Variants in TBC1D22A observed in about 807,000 individuals in gnomAD.
TBC1D22A encodes putative GTPase activator.
In TBC1D22A, 38 loss-of-function variants were observed where a neutral mutation model predicts 60.2. The observed-to-expected ratio is 0.63, with a 90% confidence interval of 0.49 to 0.83. The LOEUF (loss-of-function observed/expected upper bound fraction) is 0.83. Ranked by LOEUF, TBC1D22A falls within the 40% of genes least tolerant of loss-of-function variation. The pLI is 0.00. For missense variants in TBC1D22A, 628 were observed against 701.0 expected, an observed-to-expected ratio of 0.90 and a Z score of 1.18; for synonymous variants, 302 against 281.7, an observed-to-expected ratio of 1.07 and a Z score of -0.72.
At chr22:47,067,508 T>C (rs1241000117) in intron 11 of TBC1D22A, among the ~76,000 whole-genome samples, 1 of 152,200 alleles carries the variant, frequency 6.6e-6, no homozygotes, top group Non-Finnish European at 1.5e-5. Context: ...GCAACGATGC[T>C]CCTTGTACAT....
At chr22:47,115,160 G>C (rs560362503) in intron 12 of TBC1D22A, among the ~76,000 whole-genome samples, 1 of 149,296 alleles carries the variant, frequency 6.7e-6, no homozygotes, top group Non-Finnish European at 1.5e-5. Flanking sequence ...CCTGTCCTGA[G>C]CGCTGGGCCC....
At chr22:46,928,457 A>G (rs1222389907) in intron 8 of TBC1D22A, among the ~76,000 whole-genome samples, 2 of 152,274 alleles carry the variant, frequency 1.3e-5, no homozygotes, top group East Asian at 3.8e-4. Context: ...AAGAGCTGAA[A>G]TCATAAAACT....
chr22:47,060,029 A>T (rs772814024), intron 11 of TBC1D22A, among the ~76,000 whole-genome samples: 1 of 152,082 alleles, frequency 6.6e-6, no homozygotes, highest in African/African-American at 2.4e-5. Context: ...CTGTCAGAAG[A>T]GGACTCTGGG....
intron 1 of TBC1D22A, among the ~76,000 whole-genome samples, chr22:46,786,679 T>C (rs1001114494): frequency 1.3e-5 from 2 of 152,148 alleles, no homozygotes; most frequent in Non-Finnish European, 2.9e-5. Context: ...ACTAATTTAG[T>C]CTCTTTATTT....
chr22:47,122,098 G>T (rs1000542056), intron 12 of TBC1D22A, among the ~76,000 whole-genome samples: 1 of 152,224 alleles, frequency 6.6e-6, no homozygotes, highest in Non-Finnish European at 1.5e-5. Context: ...GTCTGGTGGA[G>T]ACTTAGTTAG....
intron 1 of TBC1D22A, among the ~76,000 whole-genome samples, chr22:46,775,267 G>A (rs1223567922): frequency 6.6e-6 from 1 of 152,250 alleles, no homozygotes; most frequent in Non-Finnish European, 1.5e-5. Context: ...TTTGGGGCGG[G>A]AGGCTAGCGA....
chr22:46,776,375 A>G (rs1380113755), intron 1 of TBC1D22A, among the ~76,000 whole-genome samples: 1 of 144,888 alleles, frequency 6.9e-6, no homozygotes, highest in African/African-American at 2.5e-5. Flanking sequence ...TGTGCGTGGA[A>G]GCAGTGGGCA....
intron 4 of TBC1D22A, among the ~76,000 whole-genome samples, chr22:46,847,273 G>A (rs2087044100): frequency 6.6e-6 from 1 of 152,226 alleles, no homozygotes; most frequent in South Asian, 2.1e-4. Context: ...GACCTGGGAG[G>A]CAGGAGGCCT....
intron 7 of TBC1D22A, among the ~76,000 whole-genome samples, chr22:46,908,389 T>C (rs2069645972): frequency 1.3e-5 from 2 of 152,208 alleles, no homozygotes; most frequent in African/African-American, 4.8e-5. Context: ...AGAGCCAGGC[T>C]TTGTGTGCAG....
At chr22:46,920,318 A>G (rs1181255581) in intron 8 of TBC1D22A, among the ~76,000 whole-genome samples, 1 of 152,082 alleles carries the variant, frequency 6.6e-6, no homozygotes, top group Non-Finnish European at 1.5e-5. Context: ...GACTCAAGGA[A>G]TTCTTCTTCC....
At chr22:46,878,476 C>T (rs1260413224) in intron 4 of TBC1D22A, among the ~76,000 whole-genome samples, 177 bp from the exon 5 acceptor site, 2 of 151,744 alleles carry the variant, frequency 1.3e-5, no homozygotes, top group African/African-American at 2.4e-5. Context: ...ATAGAATGGT[C>T]ACTTACCTTC....
intron 4 of TBC1D22A, among the ~76,000 whole-genome samples, chr22:46,799,415 A>T (rs142879167): frequency 1.3e-5 from 2 of 152,182 alleles, no homozygotes; most frequent in African/African-American, 4.8e-5. Context: ...CCTTCGCTGC[A>T]TATTTCCTAA....
intron 4 of TBC1D22A, among the ~76,000 whole-genome samples, chr22:46,835,753 T>C (rs1449638536): frequency 1.3e-5 from 2 of 151,998 alleles, no homozygotes; most frequent in Non-Finnish European, 2.9e-5. Flanking sequence ...CCAAACAGAT[T>C]GAATGTGAAA....
intron 5 of TBC1D22A, among the ~76,000 whole-genome samples, chr22:46,885,386 G>A (rs1401966917): frequency 6.6e-6 from 1 of 152,154 alleles, no homozygotes; most frequent in Admixed American, 6.5e-5. Flanking sequence ...CTGTCTCCTC[G>A]TCTGCAGATA....
chr22:46,952,219 G>A (rs572303588), intron 8 of TBC1D22A, among the ~76,000 whole-genome samples: 15 of 102,328 alleles, frequency 1.5e-4, no homozygotes, highest in African/African-American at 3.6e-4. Flanking sequence ...CCCAGGCTCC[G>A]GGACAGCAAG....
chr22:46,788,894 C>G (rs1383511231), intron 1 of TBC1D22A: 1 of 152,128 alleles, frequency 6.6e-6, no homozygotes, highest in Non-Finnish European at 1.5e-5. Flanking sequence ...CAATCTTCCT[C>G]TGTGGAGTGA....
At chr22:46,913,897 A>G (rs16995975) in intron 8 of TBC1D22A, 23,541 of 438,056 alleles carry the variant, frequency 0.054, 1,771 homozygotes, top group African/African-American at 0.25. Context: ...AATTGTCCAG[A>G]AGAAAGAAAG....
At chr22:47,000,203 C>G (rs2075265400) in intron 10 of TBC1D22A, among the ~76,000 whole-genome samples, 1 of 152,060 alleles carries the variant, frequency 6.6e-6, no homozygotes, top group Admixed American at 6.6e-5. Context: ...CCGAATTGCT[C>G]TGCAAAGTCA....
In TBC1D22A at chr22:46,885,809, C is replaced by T. The variant is rs1053095033; in HGVS notation, c.709-5457C>T. Among the ~76,000 whole-genome samples the T allele has an allele frequency of 1.2e-3, 190 of 152,298 alleles. 1 individual carries two copies. Among genetic ancestry groups the T allele is most frequent in the Non-Finnish European group, 4.4e-4 (30 of 68,028 alleles). ...AAAGAGGCCTGATTCTGGAGATGCT[C>T]AGGTGGGTCATTAAATAATCACCCG... On this transcript the variant is annotated intron_variant, in intron 5 of 12. Transcript: ENST00000337137.
Sources: allele counts gnomAD v4.1 joint callset (sites outside exome capture counted in the v4.1 genomes callset), GRCh38; gene constraint gnomAD v4.1.1; transcripts MANE v1.5; gene names NCBI Gene and HGNC (gene_info 2026-07-23, HGNC 2026-07-21).